Variants in STXBP4 observed in about 807,000 individuals in gnomAD.
STXBP4 encodes the protein syntaxin binding protein 4, also known as syntaxin-binding protein 4.
In STXBP4, 55 loss-of-function variants were observed where a neutral mutation model predicts 76.1. That is an observed-to-expected ratio of 0.72 (90% CI 0.58 to 0.91). STXBP4 has a LOEUF of 0.91. Among genes scored for constraint, STXBP4 ranks in the 40% least tolerant of loss-of-function variants. The pLI is 0.00. For synonymous variants in STXBP4, 201 were observed against 220.2 expected (o/e 0.91, Z 0.77); for missense variants, 618 against 636.9 (o/e 0.97, Z 0.32).
At chr17:55,011,502 C>CTTTATCTTT (rs1323375714) in intron 8 of STXBP4, among the ~76,000 whole-genome samples, 2 of 34,318 alleles carry the variant, frequency 5.8e-5, no homozygotes, top group African/African-American at 3.4e-4. Context: ...AGTTTATTTT[C>CTTTATCTTT]TTTTTCTTTT....
In STXBP4 at chr17:54,986,169, C is replaced by T. The variant is rs777396456; in HGVS notation, c.-51C>T. 3 of 1,466,494 alleles carry T rather than the reference C, an allele frequency of 2.0e-6. No homozygotes were observed. The highest frequency in any genetic ancestry group is 2.8e-6 in the Non-Finnish European group (3 of 1,060,826). 90.8% of individuals were successfully genotyped at this position (1,466,494 alleles called of 1,614,324 possible). On this transcript the variant is annotated 5_prime_UTR_variant, in exon 3 of 18. Coordinates refer to ENST00000376352, the MANE Select transcript of STXBP4 (RefSeq NM_178509.6). ...AAAGAAGAATTTCTAGACTCTTCAT[C>T]AAGATCTTCATTTATACAGCTGTTA... is the stretch of plus-strand genomic sequence containing the variant.
At chr17:54,999,524 T>C in intron 5 of STXBP4, 73 bp downstream of exon 5, 3 of 1,459,962 alleles carry the variant, frequency 2.1e-6, no homozygotes, top group Non-Finnish European at 2.8e-6. Flanking sequence ...TAAGATGTAT[T>C]AAGTACTTTA....
At chr17:55,105,944 G>T (rs2079629799) in intron 16 of STXBP4, among the ~76,000 whole-genome samples, 1 of 152,126 alleles carries the variant, frequency 6.6e-6, no homozygotes, top group Non-Finnish European at 1.5e-5. Flanking sequence ...TTGATTTGGG[G>T]TGGAGAGTTC....
At chr17:55,134,717 G>T (rs1338199681) in intron 16 of STXBP4, among the ~76,000 whole-genome samples, 1 of 152,094 alleles carries the variant, frequency 6.6e-6, no homozygotes, top group Non-Finnish European at 1.5e-5. Context: ...TCTGTCTTTA[G>T]GCTGATCTCA....
intron 17 of STXBP4, among the ~76,000 whole-genome samples, chr17:55,145,936 A>T (rs1323216410): frequency 6.6e-6 from 1 of 152,170 alleles, no homozygotes; most frequent in African/African-American, 2.4e-5. Context: ...ACCATCCATG[A>T]TCTTGAGAGT....
At chr17:54,998,725 C>A (rs1489430886) in intron 4 of STXBP4, among the ~76,000 whole-genome samples, 4 of 152,166 alleles carry the variant, frequency 2.6e-5, no homozygotes, top group African/African-American at 9.7e-5. Flanking sequence ...GTGGCTCACA[C>A]CTGTAATCCG....
chr17:55,107,314 G>A (rs1401803981), intron 16 of STXBP4, among the ~76,000 whole-genome samples: 1 of 152,020 alleles, frequency 6.6e-6, no homozygotes, highest in Non-Finnish European at 1.5e-5. Flanking sequence ...CTCTCAACTG[G>A]TTATTCTAGT....
At chr17:55,068,670 A>G (rs1015516137) in intron 12 of STXBP4, among the ~76,000 whole-genome samples, 5 of 152,178 alleles carry the variant, frequency 3.3e-5, no homozygotes, top group African/African-American at 1.2e-4. Context: ...AAGGTAAGAA[A>G]GAGGAAAAGG....
intron 8 of STXBP4, 43 bp from the exon 9 acceptor site, chr17:55,031,125 G>A (rs754440063): frequency 1.4e-6 from 2 of 1,447,072 alleles, no homozygotes; most frequent in South Asian, 1.2e-5. Flanking sequence ...TTTATTCTTT[G>A]GAGATTTGAA....
intron 8 of STXBP4, among the ~76,000 whole-genome samples, chr17:55,027,165 G>T (rs985104262): frequency 1.3e-5 from 2 of 152,140 alleles, no homozygotes; most frequent in Non-Finnish European, 1.5e-5. Flanking sequence ...ACTGCCCGTG[G>T]CCAGAGAACC....
chr17:55,000,085 C>T (rs1376780053), intron 6 of STXBP4: 1 of 446,418 alleles, frequency 2.2e-6, no homozygotes, highest in African/African-American at 2.1e-5. Context: ...AAAATGGTTC[C>T]ACAAAGATAT....
intron 10 of STXBP4, among the ~76,000 whole-genome samples, chr17:55,041,738 C>CT (rs925197450): frequency 1.5e-4 from 22 of 151,282 alleles, no homozygotes; most frequent in South Asian, 4.2e-4. Flanking sequence ...AGTTATTATA[C>CT]TTTTTTTTTG....
At chr17:55,039,441 CAGTG>C (rs1455973929) in intron 10 of STXBP4, among the ~76,000 whole-genome samples, 1 of 151,480 alleles carries the variant, frequency 6.6e-6, no homozygotes, top group Non-Finnish European at 1.5e-5. Context: ...ACTCAGTAGT[CAGTG>C]AGGAGCCATT....
chr17:54,977,046 C>A (rs1324743790), intron 1 of STXBP4, among the ~76,000 whole-genome samples: 1 of 152,072 alleles, frequency 6.6e-6, no homozygotes. Flanking sequence ...TCCTTGGCTG[C>A]GGCACCCAGT....
chr17:55,034,846 T>A (rs1270869192), intron 10 of STXBP4, among the ~76,000 whole-genome samples: 2 of 152,090 alleles, frequency 1.3e-5, no homozygotes, highest in African/African-American at 4.8e-5. Context: ...TTATGTAAAA[T>A]GGGATTGTGA....
At chr17:55,089,586 A>G (rs762562099) in intron 16 of STXBP4, among the ~76,000 whole-genome samples, 3 of 152,176 alleles carry the variant, frequency 2.0e-5, no homozygotes, top group South Asian at 2.1e-4. Flanking sequence ...AGATGCTTCT[A>G]TTGATCTCCT....
chr17:55,115,126 T>C (rs1367157679), intron 16 of STXBP4, among the ~76,000 whole-genome samples: 3 of 151,854 alleles, frequency 2.0e-5, no homozygotes, highest in African/African-American at 4.8e-5. Flanking sequence ...TGGAGAGTTA[T>C]TAAAACGTAA....
chr17:55,118,322 T>C (rs16955598), intron 16 of STXBP4, among the ~76,000 whole-genome samples: 6,430 of 151,914 alleles, frequency 0.042, 228 homozygotes, highest in East Asian at 0.2. Context: ...GAGCCAACCA[T>C]CTAATGAGTT....
At chr17:55,092,696 T>G (rs2079430821) in intron 16 of STXBP4, among the ~76,000 whole-genome samples, 1 of 152,216 alleles carries the variant, frequency 6.6e-6, no homozygotes, top group African/African-American at 2.4e-5. Flanking sequence ...CTGCCTTTTT[T>G]CTGTTACATC....
Sources: allele counts gnomAD v4.1 joint callset (sites outside exome capture counted in the v4.1 genomes callset), GRCh38; gene constraint gnomAD v4.1.1; transcripts MANE v1.5; gene names NCBI Gene and HGNC (gene_info 2026-07-23, HGNC 2026-07-21).